TBC1D31: variants seen among roughly 807,000 people sequenced by gnomAD.
TBC1D31 encodes the protein TBC1 domain family member 31, also known as WD repeat domain 67.
In TBC1D31, 99 loss-of-function variants were observed where a neutral mutation model predicts 132.9. That is an observed-to-expected ratio of 0.74 (90% CI 0.63 to 0.88). TBC1D31 has a LOEUF of 0.88. Among genes scored for constraint, TBC1D31 ranks in the 40% least tolerant of loss-of-function variants. The pLI is 0.00. For synonymous variants in TBC1D31, 385 were observed against 419.4 expected (o/e 0.92, Z 1.00); for missense variants, 1,134 against 1,256.6 (o/e 0.90, Z 1.48).
At chr8:123,086,306 G>T (rs578122623) in intron 4 of TBC1D31, among the ~76,000 whole-genome samples, 1 of 152,244 alleles carries the variant, frequency 6.6e-6, no homozygotes, top group African/African-American at 2.4e-5. Flanking sequence ...TTCAGGCATT[G>T]TATTAAGAAC....
intron 4 of TBC1D31, among the ~76,000 whole-genome samples, chr8:123,085,913 G>A (rs569179419): frequency 5.9e-5 from 9 of 152,196 alleles, no homozygotes; most frequent in African/African-American, 2.2e-4. Context: ...GCCCCAGTTT[G>A]GTTCTATCAT....
intron 8 of TBC1D31, among the ~76,000 whole-genome samples, chr8:123,106,562 G>A (rs753493802): frequency 2.0e-5 from 3 of 152,180 alleles, no homozygotes; most frequent in Non-Finnish European, 4.4e-5. Context: ...AGGGTTCAGT[G>A]TTATCTGAGG....
downstream of TBC1D31, among the ~76,000 whole-genome samples, chr8:123,154,723 C>G (rs1016180976): frequency 1.3e-5 from 2 of 152,152 alleles, no homozygotes; most frequent in African/African-American, 4.8e-5. Flanking sequence ...GCTGGGAAGA[C>G]TATAGTGACA....
intron 17 of TBC1D31, among the ~76,000 whole-genome samples, chr8:123,137,348 C>T (rs1032263423): frequency 6.6e-6 from 1 of 152,142 alleles, no homozygotes; most frequent in Non-Finnish European, 1.5e-5. Context: ...CCCAAGACCA[C>T]CCTCAGGTTC....
At chr8:123,108,836 C>T (rs376053485) in intron 8 of TBC1D31, among the ~76,000 whole-genome samples, 3 of 152,040 alleles carry the variant, frequency 2.0e-5, no homozygotes, top group South Asian at 2.1e-4. Flanking sequence ...GAAGGGGAAG[C>T]GGGCACCTTC....
chr8:123,079,517 C>T (rs1814912855), intron 2 of TBC1D31, among the ~76,000 whole-genome samples: 1 of 152,134 alleles, frequency 6.6e-6, no homozygotes, highest in South Asian at 2.1e-4. Context: ...CTTACCTCAC[C>T]AATTCCTAAT....
intron 11 of TBC1D31, among the ~76,000 whole-genome samples, chr8:123,124,773 CA>C (rs71310659): frequency 0.015 from 2,007 of 131,284 alleles, 17 homozygotes; most frequent in Middle Eastern, 0.035. Flanking sequence ...ACTGAAAATA[CA>C]AAAAAAAAAA....
downstream of TBC1D31, among the ~76,000 whole-genome samples, chr8:123,156,530 A>G (rs1822994277): frequency 6.6e-6 from 1 of 151,850 alleles, no homozygotes; most frequent in Admixed American, 6.6e-5. Flanking sequence ...GGTTATAGCT[A>G]TTCCATCATA....
chr8:123,110,803 C>T (rs933760333), intron 10 of TBC1D31, among the ~76,000 whole-genome samples: 2 of 152,136 alleles, frequency 1.3e-5, no homozygotes, highest in Non-Finnish European at 2.9e-5. Flanking sequence ...AATCAGCATT[C>T]CTCTGATTGT....
At chr8:123,092,585 AAAT>A (rs1816432767) in intron 4 of TBC1D31, among the ~76,000 whole-genome samples, 1 of 152,182 alleles carries the variant, frequency 6.6e-6, no homozygotes, top group Non-Finnish European at 1.5e-5. Context: ...GGGGAGTAAT[AAAT>A]ACATACACCC....
At chr8:123,130,846 T>G (rs1051560667) in intron 16 of TBC1D31, among the ~76,000 whole-genome samples, 2 of 151,818 alleles carry the variant, frequency 1.3e-5, no homozygotes, top group South Asian at 4.2e-4. Context: ...GATCTCAAAC[T>G]CGTGACCTCA....
chr8:123,113,891 C>T (rs1466195582), intron 10 of TBC1D31, among the ~76,000 whole-genome samples: 1 of 152,084 alleles, frequency 6.6e-6, no homozygotes, highest in Non-Finnish European at 1.5e-5. Flanking sequence ...AGGGCGATAA[C>T]CAAATTCAAT....
chr8:123,088,415 C>T lies in TBC1D31; in HGVS notation c.519+4075C>T, dbSNP rs115509533. On this transcript the variant is annotated intron_variant, in intron 4 of 21. Coordinates refer to ENST00000287380, the MANE Select transcript of TBC1D31 (RefSeq NM_145647.4). ...GACCAAGATGGGCAACACAGTGAGA[C>T]CCATCTCAAAAAAAAAAGTGACCAT... Among the ~76,000 whole-genome samples, 252 of 152,098 alleles carry T rather than the reference C, an allele frequency of 1.7e-3. 1 individual carries two copies. The highest frequency in any genetic ancestry group is 6.0e-3 in the African/African-American group (249 of 41,494).
chr8:123,100,930 CG>C lies in TBC1D31; in HGVS notation c.957del (p.Tyr320ThrfsTer11). ...CTCATCAGCAATTAGCCCACATGGACGGTACATTGCATCTATTATGGAAAAT... is the reference window on the plus strand; with the variant it reads ...CTCATCAGCAATTAGCCCACATGGACGTACATTGCATCTATTATGGAAAAT... ...ISSSAISPHG[R>X]YIASIMENGS... On this transcript the variant is annotated frameshift_variant, in exon 7 of 22. Coordinates refer to ENST00000287380, the MANE Select transcript of TBC1D31 (RefSeq NM_145647.4). LOFTEE classifies it high-confidence loss of function. 1 of 1,613,838 alleles carries C rather than the reference CG, an allele frequency of 6.2e-7. No individual in the cohort carries two copies. The highest frequency in any genetic ancestry group is 2.2e-5 in the East Asian group (1 of 44,850).
At chr8:123,092,648 A>G (rs1242725954) in intron 4 of TBC1D31, among the ~76,000 whole-genome samples, 1 of 151,812 alleles carries the variant, frequency 6.6e-6, no homozygotes, top group Non-Finnish European at 1.5e-5. Flanking sequence ...TTGTCTATGC[A>G]TGTATGTGCT....
intron 7 of TBC1D31, chr8:123,102,899 T>A (rs989035158): frequency 6.6e-6 from 1 of 152,290 alleles, no homozygotes; most frequent in African/African-American, 2.4e-5. Flanking sequence ...TTATTGTTTC[T>A]AAATACAGGA....
At chr8:123,102,151 C>T in intron 7 of TBC1D31, 1 of 445,514 alleles carries the variant, frequency 2.2e-6, no homozygotes, top group Non-Finnish European at 4.5e-6. Context: ...GCTAACCAGT[C>T]ATATTGTCCG....
intron 11 of TBC1D31, among the ~76,000 whole-genome samples, chr8:123,122,034 G>GTTA (rs1310331966): frequency 6.6e-6 from 1 of 152,128 alleles, no homozygotes; most frequent in African/African-American, 2.4e-5. Context: ...ATTTAACAAT[G>GTTA]TTATATACAT....
chr8:123,101,932 T>G (rs2130387757), intron 7 of TBC1D31, among the ~76,000 whole-genome samples: 1 of 152,348 alleles, frequency 6.6e-6, no homozygotes, highest in Admixed American at 6.5e-5. Context: ...CTTCCTTCCT[T>G]CGCCTGTTGA....
Sources: gnomAD v4.1 joint callset for allele counts (sites outside exome capture counted in the v4.1 genomes callset) on GRCh38, gnomAD v4.1.1 for gene constraint, MANE v1.5 for transcripts, NCBI Gene and HGNC (gene_info 2026-07-23, HGNC 2026-07-21) for gene names.